IQCK: variants seen among roughly 807,000 people sequenced by gnomAD.
The protein encoded by IQCK is IQ domain-containing protein K.
In IQCK, 29 loss-of-function variants were observed where a neutral mutation model predicts 28.1. The observed-to-expected ratio is 1.03, with a 90% CI of 0.77 to 1.41. The LOEUF is 1.41. Ranked by LOEUF, IQCK falls within the 40% of genes most tolerant of loss-of-function variation. The probability of loss-of-function intolerance (pLI) is 0.00; values close to 1 mark genes in which losing one functional copy is unlikely to be tolerated. For synonymous variants in IQCK, 113 were observed against 115.1 expected (o/e 0.98, Z 0.12); for missense variants, 359 against 314.7 (o/e 1.14, Z -1.07).
intron 2 of IQCK, among the ~76,000 whole-genome samples, chr16:19,731,468 G>A (rs1399509799): frequency 2.6e-5 from 4 of 152,118 alleles, no homozygotes; most frequent in Non-Finnish European, 4.4e-5. Flanking sequence ...TTTTCTCCTA[G>A]CATCCTGTTC....
At chr16:19,738,669 T>G (rs182178418) in intron 4 of IQCK, among the ~76,000 whole-genome samples, 1 of 152,304 alleles carries the variant, frequency 6.6e-6, no homozygotes, top group East Asian at 1.9e-4. Context: ...TGTAAAGTAC[T>G]TAGGCCAGTC....
At chr16:19,856,111 T>TG (rs981425713) in intron 9 of IQCK, among the ~76,000 whole-genome samples, 1 of 152,190 alleles carries the variant, frequency 6.6e-6, no homozygotes. Context: ...TTTTCCATTT[T>TG]GGGTGGCTGG....
chr16:19,820,883 GT>G (rs1435557356), intron 7 of IQCK, among the ~76,000 whole-genome samples: 9 of 152,232 alleles, frequency 5.9e-5, no homozygotes, highest in African/African-American at 2.2e-4. Flanking sequence ...GGAGAAAAAA[GT>G]AAACAAATAA....
At chr16:19,849,154 T>C (rs1208561910) in intron 9 of IQCK, among the ~76,000 whole-genome samples, 2 of 152,188 alleles carry the variant, frequency 1.3e-5, no homozygotes, top group African/African-American at 4.8e-5. Flanking sequence ...TTCTGGTGAT[T>C]CTTTTAGAAA....
intron 4 of IQCK, among the ~76,000 whole-genome samples, chr16:19,738,533 C>G (rs139577644): frequency 1.3e-5 from 2 of 152,316 alleles, no homozygotes; most frequent in African/African-American, 4.8e-5. Flanking sequence ...TCCATCCCAG[C>G]TGGCAGCATA....
In IQCK at chr16:19,848,552, C is replaced by T. The variant is rs556509277; in HGVS notation, c.803-7935C>T. On this transcript the variant is annotated intron_variant, in intron 9 of 9. Coordinates refer to the IQCK transcript ENST00000320394. ...ACTTAGCAGCAATTCAGCTTATATT[C>T]CTGCAGTCCACCTGGGGGGAAAGGA... 3.9e-5 allele frequency among the ~76,000 whole-genome samples: 6 copies of T among 152,272 alleles called. No homozygotes were observed. In the South Asian group the frequency reaches 1.2e-3, roughly 32 times the overall value.
chr16:19,740,858 C>T (rs1316967100), intron 4 of IQCK, among the ~76,000 whole-genome samples: 1 of 151,392 alleles, frequency 6.6e-6, no homozygotes, highest in Non-Finnish European at 1.5e-5. Flanking sequence ...GTCCCAGCTA[C>T]TCGGGAGGCT....
Position 19,835,566 on chromosome 16 carries a change from T to C in IQCK, c.802+8429T>C, listed in dbSNP as rs191156161. On this transcript the variant is annotated intron_variant, in intron 9 of 9. Transcript: ENST00000320394. ...CTATATTCTAGCTTGCTTGTAGAAG[T>C]ATTTCTTTTTCTTTTCTTTTCTTTT... 6.0e-3 allele frequency among the ~76,000 whole-genome samples: 904 copies of C among 151,624 alleles called. 6 individuals are homozygous for C. The highest frequency in any genetic ancestry group is 7.9e-3 in the Non-Finnish European group (539 of 67,928).
chr16:19,848,077 C>T (rs2141119814), intron 9 of IQCK, among the ~76,000 whole-genome samples: 1 of 152,302 alleles, frequency 6.6e-6, no homozygotes, highest in Middle Eastern at 3.4e-3. Context: ...TAAGATATTT[C>T]CAACTCGTTT....
At chr16:19,735,332 A>G (rs577371184) in intron 3 of IQCK, 21 bp from the exon 4 acceptor site, 62 of 1,576,972 alleles carry the variant, frequency 3.9e-5, no homozygotes, top group East Asian at 1.1e-4. Flanking sequence ...TGCAGGGGGA[A>G]TTTTTGTTTG....
chr16:19,725,258 C>T lies in IQCK; in HGVS notation c.182-5172C>T, dbSNP rs186049877. Among the ~76,000 whole-genome samples the T allele has an allele frequency of 3.7e-3, 563 of 152,158 alleles. 3 individuals carry two copies. The highest frequency in any genetic ancestry group is 0.013 in the African/African-American group (536 of 41,518). On this transcript the variant is annotated intron_variant, in intron 1 of 7. Coordinates refer to ENST00000564186, the Ensembl canonical transcript of IQCK. The stretch of plus-strand genomic sequence containing the variant: ...TGTCGCCCAGGCTGAAGTGCAGTGG[C>T]GTGATCGTGCTTACTACAGCCTCAA...
chr16:19,735,442 T>C (rs1977983851), exon 4 of IQCK: 8 of 1,608,074 alleles, frequency 5.0e-6, no homozygotes, highest in African/African-American at 1.3e-5. Flanking sequence ...GAAAGAAAAA[T>C]GTTTTGAGGT....
chr16:19,783,542 CA>C (rs202224212), intron 6 of IQCK, among the ~76,000 whole-genome samples: 16,938 of 152,162 alleles, frequency 0.11, 1,356 homozygotes, highest in South Asian at 0.27. Context: ...TGGTGATGAG[CA>C]GTCGCCTCTT....
intron 9 of IQCK, among the ~76,000 whole-genome samples, chr16:19,851,597 T>G (rs2056483055): frequency 6.6e-6 from 1 of 152,152 alleles, no homozygotes; most frequent in South Asian, 2.1e-4. Context: ...CTGAGTCTTA[T>G]TAGTATGCAA....
intron 7 of IQCK, 124 bp from the exon 8 acceptor site, chr16:19,826,902 C>T (rs935984101): frequency 1.2e-5 from 8 of 686,606 alleles, no homozygotes; most frequent in Admixed American, 1.2e-4. Flanking sequence ...TCATTTAGGA[C>T]GATGATTCAT....
intron 6 of IQCK, among the ~76,000 whole-genome samples, chr16:19,786,749 AG>A (rs1345381314): frequency 7.7e-6 from 1 of 129,880 alleles, no homozygotes; most frequent in Admixed American, 7.2e-5. Flanking sequence ...ACGGAAAGAA[AG>A]GGGAAAAAAA....
rs765477038 is a variant in IQCK at position 19,733,681 on chromosome 16, C to G, written c.247-17C>G. 6.2e-7 allele frequency: 1 copy of G among 1,613,460 alleles called. No individual in the cohort carries two copies. Among genetic ancestry groups the G allele is most frequent in the South Asian group, 1.1e-5 (1 of 90,888 alleles). On this transcript the variant is annotated splice_polypyrimidine_tract_variant and intron_variant, in intron 2 of 7. Transcript: ENST00000564186. ...GCTGTTTAAATGAATTGCCTCCCCTCCCCTGTCTGCCTCCAGGTTGCGCCA... is the reference window on the plus strand; with the variant it reads ...GCTGTTTAAATGAATTGCCTCCCCTGCCCTGTCTGCCTCCAGGTTGCGCCA...
intron 9 of IQCK, among the ~76,000 whole-genome samples, chr16:19,834,437 G>A (rs748540373): frequency 9.9e-5 from 15 of 152,226 alleles, no homozygotes; most frequent in Non-Finnish European, 1.6e-4. Context: ...AGGCCATGCT[G>A]TTCTGTAACC....
rs758463358 is a variant in IQCK at position 19,763,831 on chromosome 16, A to G, written c.475-17A>G. ...TTTAAGGGTCAGTTGTAATTTAATT[A>G]TCTCTTCTCTCTTCAGAGGAAAAGA... On this transcript the variant is annotated splice_polypyrimidine_tract_variant and intron_variant, in intron 4 of 7. Transcript: ENST00000564186. 11 of 1,595,978 alleles carry G rather than the reference A, an allele frequency of 6.9e-6. No individual in the cohort carries two copies. The highest frequency in any genetic ancestry group is 9.5e-6 in the Non-Finnish European group (11 of 1,163,814).
Sources: allele counts gnomAD v4.1 joint callset (sites outside exome capture counted in the v4.1 genomes callset), GRCh38; gene constraint gnomAD v4.1.1; transcripts MANE v1.5; gene names NCBI Gene and HGNC (gene_info 2026-07-23, HGNC 2026-07-21).